Variants in WHRN observed in about 807,000 individuals in gnomAD.
WHRN encodes the protein whirlin.
A neutral mutation model predicts 68.3 loss-of-function variants in WHRN; 41 were observed. That is an observed-to-expected ratio of 0.60 (90% CI 0.47 to 0.78). The LOEUF is 0.78. Among genes scored for constraint, WHRN ranks in the 30% least tolerant of loss-of-function variants. The pLI is 0.00. For synonymous variants in WHRN, 560 were observed against 561.3 expected (o/e 1.00, Z 0.03); for missense variants, 1,243 against 1,244.7 (o/e 1.00, Z 0.02).
chr9:114,465,944 C>T (rs1001570361), intron 3 of WHRN, among the ~76,000 whole-genome samples: 10 of 152,210 alleles, frequency 6.6e-5, no homozygotes, highest in African/African-American at 2.4e-4. Context: ...CCCAGGGCAC[C>T]CCCAACCCAG....
intron 3 of WHRN, among the ~76,000 whole-genome samples, chr9:114,446,428 T>C (rs1328982626): frequency 6.6e-6 from 1 of 152,144 alleles, no homozygotes; most frequent in African/African-American, 2.4e-5. Flanking sequence ...ATAGCAGTGA[T>C]AGTTGCACAA....
chr9:114,438,431 CG>C (rs1838054834), intron 3 of WHRN, among the ~76,000 whole-genome samples: 1 of 151,428 alleles, frequency 6.6e-6, no homozygotes, highest in African/African-American at 2.4e-5. Context: ...CAACACTTAA[CG>C]GAATCCCACT....
rs1803203275 is a variant in WHRN at position 114,504,932 on chromosome 9, C to T, written c.-131G>A. On this transcript the variant is annotated 5_prime_UTR_variant, in exon 1 of 12. Transcript: ENST00000362057. ...ACGGCTGGAGCCTGGGTTTGGGGAG[C>T]ACGGGTACAGTGGCTGGATCCTAGG... The T allele has an allele frequency of 7.8e-7, 1 of 1,274,480 alleles. No individual in the cohort carries two copies. The highest frequency in any genetic ancestry group is 1.0e-6 in the Non-Finnish European group (1 of 1,002,284). The allele number at this position is 1,274,480 out of a possible 1,614,324, so 78.9% of individuals were successfully genotyped here.
At chr9:114,447,017 C>T (rs1037625717) in intron 3 of WHRN, among the ~76,000 whole-genome samples, 2 of 152,046 alleles carry the variant, frequency 1.3e-5, no homozygotes, top group Non-Finnish European at 2.9e-5. Flanking sequence ...TGGAAGAGCT[C>T]TTCCTTCACT....
chr9:114,406,247 C>G, intron 9 of WHRN, 108 bp downstream of exon 9: 1 of 1,496,132 alleles, frequency 6.7e-7, no homozygotes, highest in Non-Finnish European at 9.2e-7. Flanking sequence ...TGGCCCTGAG[C>G]CCCCTCAACA....
At chr9:114,427,207 G>GT (rs1366875144) in intron 3 of WHRN, among the ~76,000 whole-genome samples, 2 of 152,350 alleles carry the variant, frequency 1.3e-5, no homozygotes, top group African/African-American at 2.4e-5. Flanking sequence ...GCTGTGAACT[G>GT]TGATTGCACC....
intron 1 of WHRN, among the ~76,000 whole-genome samples, chr9:114,501,936 ATT>A (rs1015381304): frequency 5.3e-5 from 8 of 152,182 alleles, no homozygotes; most frequent in African/African-American, 1.9e-4. Context: ...TTCGCTCTTA[ATT>A]TTGTGGAAAT....
chr9:114,474,277 T>C (rs1123056), intron 2 of WHRN, among the ~76,000 whole-genome samples: 75,309 of 152,004 alleles, frequency 0.5, 19,241 homozygotes, highest in East Asian at 0.64. Flanking sequence ...TACTTAGCCA[T>C]CCTCACCCCT....
chr9:114,482,705 G>A (rs1417777733), intron 1 of WHRN, among the ~76,000 whole-genome samples: 1 of 151,826 alleles, frequency 6.6e-6, no homozygotes, highest in Non-Finnish European at 1.5e-5. Context: ...GGGAAGGAAA[G>A]AATAAAGAAC....
chr9:114,403,131 C>T, intron 11 of WHRN, 86 bp downstream of exon 11: 1 of 1,597,406 alleles, frequency 6.3e-7, no homozygotes, highest in Non-Finnish European at 8.6e-7. Context: ...CCGTGTTACC[C>T]ATGGGAGTCG....
intron 1 of WHRN, among the ~76,000 whole-genome samples, chr9:114,484,002 C>T (rs571425018): frequency 6.6e-6 from 1 of 152,304 alleles, no homozygotes; most frequent in East Asian, 1.9e-4. Context: ...TCTCCCATCC[C>T]AGCAGTGAGC....
rs80115525 is a variant in WHRN, at chr9:114,474,321, T to C, written c.837+4232A>G. Among the ~76,000 whole-genome samples, 299 of 152,346 alleles carry C rather than the reference T, an allele frequency of 2.0e-3. 1 individual carries two copies. Among genetic ancestry groups the C allele is most frequent in the African/African-American group, 4.7e-3 (195 of 41,578 alleles). On this transcript the variant is annotated intron_variant, in intron 2 of 11. Transcript: ENST00000362057. ...CGAGCTTTGCACACCTTCTTTTTCATGGTCTTGCTAAAGGTCTTTGCATAC... is the reference window on the plus strand; with the variant it reads ...CGAGCTTTGCACACCTTCTTTTTCACGGTCTTGCTAAAGGTCTTTGCATAC...
intron 3 of WHRN, among the ~76,000 whole-genome samples, chr9:114,464,408 T>G (rs1840491005): frequency 6.6e-6 from 1 of 152,214 alleles, no homozygotes; most frequent in Non-Finnish European, 1.5e-5. Flanking sequence ...AGGTTCAGTG[T>G]CTGGTGAGGG....
chr9:114,405,167 T>C (rs1222194187), intron 9 of WHRN, among the ~76,000 whole-genome samples: 2 of 149,454 alleles, frequency 1.3e-5, no homozygotes, highest in African/African-American at 4.9e-5. Flanking sequence ...CTCTGCCTCC[T>C]GGGTTCAAGT....
chr9:114,485,092 G>T (rs1842374417), intron 1 of WHRN, among the ~76,000 whole-genome samples: 1 of 152,178 alleles, frequency 6.6e-6, no homozygotes, highest in African/African-American at 2.4e-5. Flanking sequence ...TTCCAAAAAA[G>T]TCTCAAGCAA....
At chr9:114,503,967 C>A (rs1029864350) in intron 1 of WHRN, among the ~76,000 whole-genome samples, 1 of 151,918 alleles carries the variant, frequency 6.6e-6, no homozygotes, top group African/African-American at 2.4e-5. Flanking sequence ...TTAAGCCTCA[C>A]AAAGGCAAGG....
rs1844198299 is a variant in WHRN at position 114,504,313 on chromosome 9, G to A, written c.489C>T (p.Gly163=). 6.2e-7 allele frequency: 1 copy of A among 1,612,304 alleles called. No homozygotes were observed. Among genetic ancestry groups the A allele is most frequent in the Admixed American group, 1.7e-5 (1 of 60,030 alleles). The change falls in exon 1 of 12, where the codon GGC becomes GGT. Residue 163 remains glycine (G), a synonymous_variant. Coordinates refer to ENST00000362057, the MANE Select transcript of WHRN (RefSeq NM_015404.4). ...CCACCAGAGACACGTAGATGCCCAC[G>A]CCGTGCTCCGAGCCCCCACGGATGC... ...GFSIRGGSEH[G]VGIYVSLVEP... is the part of the protein sequence containing the mutation.
At chr9:114,482,488 T>C (rs1381565805) in intron 1 of WHRN, among the ~76,000 whole-genome samples, 1 of 152,102 alleles carries the variant, frequency 6.6e-6, no homozygotes, top group Non-Finnish European at 1.5e-5. Flanking sequence ...CAAAGCAGCA[T>C]GTGTGAACTG....
intron 1 of WHRN, among the ~76,000 whole-genome samples, chr9:114,489,516 GCACA>G (rs67518088): frequency 0.65 from 97,978 of 150,936 alleles, 32,204 homozygotes; most frequent in East Asian, 0.73. Flanking sequence ...ACACACGCGT[GCACA>G]CACACACACA....
Sources: gnomAD v4.1 joint callset for allele counts (sites outside exome capture counted in the v4.1 genomes callset) on GRCh38, gnomAD v4.1.1 for gene constraint, MANE v1.5 for transcripts, NCBI Gene and HGNC (gene_info 2026-07-23, HGNC 2026-07-21) for gene names.